Variants in FAAH2 observed in about 807,000 individuals in gnomAD.
FAAH2 encodes the protein fatty-acid amide hydrolase 2.
In FAAH2, 60 loss-of-function variants were observed where a neutral mutation model predicts 36.9. That is an observed-to-expected ratio of 1.63 (90% CI 1.32 to 2.02). The LOEUF is 2.02. Ranked by LOEUF, FAAH2 falls within the 30% of genes most tolerant of loss-of-function variation. The pLI, the probability that FAAH2 is intolerant of heterozygous loss-of-function variation, is 0.00. For synonymous variants in FAAH2, 214 were observed against 143.8 expected (o/e 1.49, Z -3.49); for missense variants, 689 against 397.5 (o/e 1.73, Z -6.23).
intron 5 of FAAH2, among the ~76,000 whole-genome samples, chrX:57,348,819 A>G (rs2053901143): frequency 9.1e-6 from 1 of 109,821 alleles, no homozygotes; most frequent in Non-Finnish European, 1.9e-5. Context: ...TTAAAAATAG[A>G]AGTGATTGTT....
At chrX:57,338,534 G>A (rs560550136) in intron 4 of FAAH2, among the ~76,000 whole-genome samples, 2 of 111,479 alleles carry the variant, frequency 1.8e-5, no homozygotes, top group African/African-American at 6.5e-5. Flanking sequence ...CAGGGGATGC[G>A]ATGGCTTGGC....
chrX:57,307,943 G>T (rs1257512535), intron 2 of FAAH2, among the ~76,000 whole-genome samples: 2 of 108,308 alleles, frequency 1.8e-5, no homozygotes, highest in African/African-American at 6.7e-5. Flanking sequence ...ATGACCTCTG[G>T]GTGCATCCAT....
At chrX:57,175,162 C>T in the FAAH2 span, among the ~76,000 whole-genome samples, 10 of 111,648 alleles carry the variant, frequency 9.0e-5, no homozygotes, top group Admixed American at 9.5e-4. Context: ...CTCTTGTTGT[C>T]AGTGGAGTGT....
At chrX:57,256,321 A>G in the FAAH2 span, among the ~76,000 whole-genome samples, 2 of 111,842 alleles carry the variant, frequency 1.8e-5, no homozygotes, top group African/African-American at 6.5e-5. Flanking sequence ...AGAAGGAACC[A>G]ATATTGTGAA....
At chrX:57,286,325 A>G (rs761277597), upstream of FAAH2, among the ~76,000 whole-genome samples, 1 of 112,302 alleles carries the variant, frequency 8.9e-6, no homozygotes, top group Non-Finnish European at 1.9e-5. Flanking sequence ...AGGTATACTT[A>G]CAACACTTTT....
At chrX:57,460,177 A>T (rs2056933205) in intron 10 of FAAH2, among the ~76,000 whole-genome samples, 1 of 111,939 alleles carries the variant, frequency 8.9e-6, no homozygotes, top group African/African-American at 3.3e-5. Flanking sequence ...TGAACCTACG[A>T]TGGATTGGGG....
the FAAH2 span, among the ~76,000 whole-genome samples, chrX:57,197,556 C>A: frequency 1.9e-5 from 2 of 106,305 alleles, no homozygotes; most frequent in Non-Finnish European, 3.8e-5. Flanking sequence ...TTTTTTTTGT[C>A]TCACAGGATG....
At chrX:57,257,171 A>T in the FAAH2 span, among the ~76,000 whole-genome samples, 1 of 112,360 alleles carries the variant, frequency 8.9e-6, no homozygotes, top group Non-Finnish European at 1.9e-5. Flanking sequence ...ATACTATTTG[A>T]CTTAGCAATC....
chrX:57,144,699 A>T, the FAAH2 span, among the ~76,000 whole-genome samples: 1 of 109,981 alleles, frequency 9.1e-6, no homozygotes, highest in Non-Finnish European at 1.9e-5. Flanking sequence ...GTGTTCCCAA[A>T]GTCCGTTGTA....
the FAAH2 span, among the ~76,000 whole-genome samples, chrX:57,124,371 T>C: frequency 1.1e-4 from 12 of 111,861 alleles, no homozygotes; most frequent in Non-Finnish European, 1.9e-5. Flanking sequence ...ATATCTCTGT[T>C]TTGGTACCAG....
At chrX:57,463,211 A>T (rs557771728) in intron 10 of FAAH2, among the ~76,000 whole-genome samples, 6 of 111,937 alleles carry the variant, frequency 5.4e-5, no homozygotes, top group South Asian at 3.7e-4. Context: ...AAGAATCAAT[A>T]TCATGAAAAT....
At chrX:57,169,503 T>C in the FAAH2 span, among the ~76,000 whole-genome samples, 5 of 266 alleles carry the variant, frequency 0.019, no homozygotes, top group Non-Finnish European at 0.14. Flanking sequence ...CCAGTATATA[T>C]ATATATATAT....
chrX:57,246,998 T>C, the FAAH2 span, among the ~76,000 whole-genome samples: 1 of 111,764 alleles, frequency 8.9e-6, no homozygotes, highest in African/African-American at 3.2e-5. Context: ...TTATGAGGAA[T>C]GAAATTTTTA....
the FAAH2 span, among the ~76,000 whole-genome samples, chrX:57,141,984 CATTTT>C: frequency 2.7e-5 from 3 of 110,171 alleles, no homozygotes; most frequent in Non-Finnish European, 5.7e-5. Flanking sequence ...TTTCATCTGT[CATTTT>C]ATTTATTTGA....
intron 7 of FAAH2, chrX:57,381,467 G>A (rs1351093320): frequency 4.9e-5 from 25 of 510,815 alleles, no homozygotes; most frequent in Non-Finnish European, 5.7e-5. Flanking sequence ...GTTCATTTGG[G>A]AAAGAAGAAT....
At chrX:57,317,766 G>T (rs756996995) in intron 3 of FAAH2, among the ~76,000 whole-genome samples, 11 of 111,810 alleles carry the variant, frequency 9.8e-5, no homozygotes, top group Admixed American at 2.9e-4. Context: ...ATATTTGGAA[G>T]TAAAACACTC....
At chrX:57,486,977 A>G (rs1025144274) in intron 10 of FAAH2, among the ~76,000 whole-genome samples, 3 of 111,498 alleles carry the variant, frequency 2.7e-5, no homozygotes, top group Non-Finnish European at 3.8e-5. Flanking sequence ...CACTCTCTTT[A>G]CTTTCCTCTC....
chrX:57,329,502 G>A (rs1221059055), intron 3 of FAAH2, among the ~76,000 whole-genome samples: 2 of 109,990 alleles, frequency 1.8e-5, no homozygotes, highest in East Asian at 5.7e-4. Flanking sequence ...CTTTCTGCTT[G>A]CCAATGATCT....
chrX:57,191,389 A>T, the FAAH2 span, among the ~76,000 whole-genome samples: 403 of 111,442 alleles, frequency 3.6e-3, 3 homozygotes, highest in South Asian at 0.012. Flanking sequence ...GTGATTATTA[A>T]TCCCTTGTCA....
Sources: gnomAD v4.1 joint callset for allele counts (sites outside exome capture counted in the v4.1 genomes callset) on GRCh38, gnomAD v4.1.1 for gene constraint, MANE v1.5 for transcripts, NCBI Gene and HGNC (gene_info 2026-07-23, HGNC 2026-07-21) for gene names.